GNPAT: variants seen among roughly 807,000 people sequenced by gnomAD.
The protein encoded by GNPAT is glyceronephosphate O-acyltransferase.
Under a neutral mutation model 78.4 loss-of-function variants are expected in GNPAT, and 30 were observed. That is an observed-to-expected ratio of 0.38 (90% confidence interval 0.29 to 0.52). The LOEUF is 0.52. Ranked by LOEUF, GNPAT falls within the 20% of genes least tolerant of loss-of-function variation. GNPAT has a pLI of 0.84. For synonymous variants in GNPAT, 271 were observed against 281.1 expected (o/e 0.96, Z 0.36); for missense variants, 714 against 812.2 (o/e 0.88, Z 1.47).
chr1:231,258,719 C>G (rs1685135834), intron 2 of GNPAT, among the ~76,000 whole-genome samples: 1 of 149,012 alleles, frequency 6.7e-6, no homozygotes, highest in Admixed American at 6.7e-5. Flanking sequence ...CAAGCTCCGC[C>G]TCCCAGGTTT....
chr1:231,259,066 A>G (rs1685148092), intron 2 of GNPAT, among the ~76,000 whole-genome samples: 1 of 151,588 alleles, frequency 6.6e-6, no homozygotes, highest in Non-Finnish European at 1.5e-5. Context: ...AAACTTTCCC[A>G]TTATTCTGTG....
rs558396698 is a variant in GNPAT, at chr1:231,242,784, C to G, written c.78+1328C>G. ...TTTGTTTGTTTTACTTCCCCTTTAC[C>G]AACGGTTCTTTAATAAGACTTGAGT... On this transcript the variant is annotated intron_variant, in intron 1 of 15. Transcript: ENST00000366647. Among the ~76,000 whole-genome samples the G allele has an allele frequency of 5.9e-5, 9 of 152,212 alleles. No individual in the cohort carries two copies. The South Asian group carries it at 1.9e-3, about 32-fold the overall frequency.
chr1:231,266,593 C>A (rs1007740600), intron 8 of GNPAT, among the ~76,000 whole-genome samples, 186 bp downstream of exon 8: 1 of 151,960 alleles, frequency 6.6e-6, no homozygotes, highest in Non-Finnish European at 1.5e-5. Flanking sequence ...ATGTGTTTGT[C>A]CCAAAAAAAG....
Position 231,277,806 on chromosome 1 carries a change from C to T in GNPAT, c.*264C>T, listed in dbSNP as rs973157368. The T allele has an allele frequency of 1.4e-5, 6 of 427,014 alleles. No homozygotes were observed. The Admixed American group carries it at 2.3e-4, about 16-fold the overall frequency. The allele number at this position is 427,014 out of a possible 1,614,324, so 26.5% of individuals were successfully genotyped here. A position where few individuals can be genotyped will look rare whatever the true frequency, so the allele number is the denominator to read the frequency against. ...GAAACATGTTTGGAAAAGCAAAGCT[C>T]AGCTCATTTCACTAACACTTTTCAG... On this transcript the variant is annotated 3_prime_UTR_variant, in exon 16 of 16. Coordinates refer to ENST00000366647, the MANE Select transcript of GNPAT (RefSeq NM_014236.4).
At chr1:231,249,930 G>T in intron 1 of GNPAT, among the ~76,000 whole-genome samples, 1 of 152,154 alleles carries the variant, frequency 6.6e-6, no homozygotes, top group East Asian at 1.9e-4. Context: ...AAGCTGAATG[G>T]CAGGGGCTGA....
At chr1:231,271,605 G>T (rs1244702059) in intron 10 of GNPAT, among the ~76,000 whole-genome samples, 1 of 152,190 alleles carries the variant, frequency 6.6e-6, no homozygotes, top group African/African-American at 2.4e-5. Context: ...GCTTTTCAAA[G>T]CTCCACAGTG....
In GNPAT at chr1:231,266,070, C is replaced by G. The variant is rs200895293; in HGVS notation, c.829C>G (p.Leu277Val). 3.5e-5 allele frequency: 57 copies of G among 1,610,240 alleles called. No individual in the cohort carries two copies. The highest frequency in any genetic ancestry group is 4.4e-5 in the Non-Finnish European group (52 of 1,176,666). ...TAAAAGAGAAGTTTTTGATACCTAC[C>G]TTGTCCCAATTAGTATCAGTTATGA... is the stretch of plus-strand genomic sequence containing the variant. ...FFKREVFDTY[L>V]VPISISYDKI... The change falls in exon 7 of 16, where the codon CTT becomes GTT. Residue 277 changes from leucine to valine, a missense_variant. By Grantham distance (32) the Leu-to-Val change is conservative. Coordinates refer to ENST00000366647, the MANE Select transcript of GNPAT (RefSeq NM_014236.4).
At chr1:231,256,940 G>A (rs115757958) in intron 2 of GNPAT, among the ~76,000 whole-genome samples, 2,777 of 152,284 alleles carry the variant, frequency 0.018, 78 homozygotes, top group African/African-American at 0.063. Context: ...TTTAAGAGAT[G>A]TCTCAAGTTT....
Position 231,267,714 on chromosome 1 carries a change from G to A in GNPAT, c.1090G>A (p.Ala364Thr). 4 of 1,608,408 alleles carry A rather than the reference G, an allele frequency of 2.5e-6. No individual in the cohort carries two copies. The highest frequency in any genetic ancestry group is 1.3e-5 in the African/African-American group (1 of 74,888). The change falls in exon 9 of 16, where the codon GCC becomes ACC. Residue 364 changes from alanine to threonine, a missense_variant. Transcript: ENST00000366647. ...TCAGAAACAGTCTGAGGACATGCAT[G>A]CCTTTGTCACTGAAGTTGCCTACAA... ...IPQKQSEDMH[A>T]FVTEVAYKME...
At chr1:231,263,663 C>G (rs1685288330) in intron 4 of GNPAT, among the ~76,000 whole-genome samples, 1 of 151,986 alleles carries the variant, frequency 6.6e-6, no homozygotes, top group African/African-American at 2.4e-5. Context: ...TTTTGAGGAA[C>G]CACCATACTG....
In GNPAT at chr1:231,275,377, A is replaced by G. The variant is rs146322914; in HGVS notation, c.1844-28A>G. 553 of 1,566,540 alleles carry G rather than the reference A, an allele frequency of 3.5e-4. 1 individual carries two copies. Among genetic ancestry groups the G allele is most frequent in the East Asian group, 3.3e-3 (149 of 44,672 alleles). Reference sequence around the variant, plus strand: ...TTTAGTTGAGAATAGAAACTGGTCAACTAACTCTTCCTCACCCCCAATTTT... The same window carrying G: ...TTTAGTTGAGAATAGAAACTGGTCAGCTAACTCTTCCTCACCCCCAATTTT... On this transcript the variant is annotated intron_variant, in intron 13 of 15. Transcript: ENST00000366647.
chr1:231,248,706 G>A (rs763510469), intron 1 of GNPAT, among the ~76,000 whole-genome samples: 3 of 152,140 alleles, frequency 2.0e-5, no homozygotes, highest in Non-Finnish European at 4.4e-5. Flanking sequence ...GCATAACAAC[G>A]TTTTAGTCAG....
Position 231,277,844 on chromosome 1 carries a change from A to T in GNPAT, c.*302A>T. 3.7e-6 allele frequency: 1 copy of T among 272,998 alleles called. No individual in the cohort carries two copies. The highest frequency in any genetic ancestry group is 7.3e-5 in the South Asian group (1 of 13,734). The allele number at this position is 272,998 out of a possible 1,614,324, so 16.9% of individuals were successfully genotyped here. A position where few individuals can be genotyped will look rare whatever the true frequency, so the allele number is the denominator to read the frequency against. ...TAACACTTTTCAGCTTACTATATGT[A>T]TTAAACTTTTATGTTGACTTTTGAA... On this transcript the variant is annotated 3_prime_UTR_variant, in exon 16 of 16. Coordinates refer to ENST00000366647, the MANE Select transcript of GNPAT (RefSeq NM_014236.4).
At position 231,277,533 on chromosome 1, in the gene GNPAT, A is replaced by C; in HGVS notation, c.2034A>C (p.Ala678=). 2 of 1,578,518 alleles carry C rather than the reference A, an allele frequency of 1.3e-6. No homozygotes were observed. The highest frequency in any genetic ancestry group is 2.2e-5 in the South Asian group (2 of 90,358). ...CKTPIGKPAT[A]KL The stretch of plus-strand genomic sequence containing the variant: ...CACCAATAGGAAAACCAGCCACTGC[A>C]AAACTTTAATAATCAACAAATAGTT... Residue 678 remains alanine (A), a synonymous_variant, in exon 16 of 16, where the codon GCA becomes GCC. Transcript: ENST00000366647.
chr1:231,268,196 G>A (rs1166346175), intron 9 of GNPAT, among the ~76,000 whole-genome samples: 3 of 152,114 alleles, frequency 2.0e-5, no homozygotes, highest in East Asian at 1.9e-4. Flanking sequence ...CCAGCTACTC[G>A]GGAGGCTGAG....
chr1:231,260,699 T>TA lies in GNPAT; in HGVS notation c.438+23dup, dbSNP rs1045028288. 5 of 1,456,332 alleles carry TA rather than the reference T, an allele frequency of 3.4e-6. No individual in the cohort carries two copies. The highest frequency in any genetic ancestry group is 1.4e-5 in the African/African-American group (1 of 71,012). 90.2% of individuals were successfully genotyped at this position (1,456,332 alleles called of 1,614,324 possible). On this transcript the variant is annotated intron_variant, in intron 3 of 15. Transcript: ENST00000366647. ...TATTCAGAAAGTGAGTATTGATTAT[T>TA]AAAAAAATAAAGAAATAAAAGTCTC...
intron 15 of GNPAT, among the ~76,000 whole-genome samples, chr1:231,276,830 A>T (rs1685730201): frequency 6.6e-6 from 1 of 152,232 alleles, no homozygotes; most frequent in Non-Finnish European, 1.5e-5. Flanking sequence ...GAGGGTGTTA[A>T]CATTTGGAAA....
chr1:231,246,332 C>T (rs554519987), intron 1 of GNPAT, among the ~76,000 whole-genome samples: 96 of 152,234 alleles, frequency 6.3e-4, no homozygotes, highest in African/African-American at 2.2e-3. Context: ...ATGAATTTAC[C>T]TTGTTTATTT....
intron 9 of GNPAT, 121 bp downstream of exon 9, chr1:231,268,024 C>T (rs972775029): frequency 2.4e-5 from 18 of 740,922 alleles, no homozygotes; most frequent in East Asian, 5.4e-5. Context: ...AAGGACAGGC[C>T]GGGCGCGGTG....
Sources: allele counts gnomAD v4.1 joint callset (sites outside exome capture counted in the v4.1 genomes callset), GRCh38; gene constraint gnomAD v4.1.1; transcripts MANE v1.5; gene names NCBI Gene and HGNC (gene_info 2026-07-23, HGNC 2026-07-21).